Variants in SENP7 observed in about 807,000 individuals in gnomAD.
SENP7 encodes the protein SUMO specific peptidase 7.
Under a neutral mutation model 141.2 loss-of-function variants are expected in SENP7, and 64 were observed. The ratio of observed to expected loss-of-function variants is 0.45; its 90% CI spans 0.37 to 0.56. SENP7 has a LOEUF of 0.56. Among genes scored for constraint, SENP7 ranks in the 20% least tolerant of loss-of-function variants. The probability of loss-of-function intolerance (pLI) is 0.00; values close to 1 mark genes in which losing one functional copy is unlikely to be tolerated. For missense variants in SENP7, 1,025 were observed against 1,212.2 expected, an observed-to-expected ratio of 0.85 and a Z score of 2.29; for synonymous variants, 382 against 426.4, an observed-to-expected ratio of 0.90 and a Z score of 1.28.
intron 1 of SENP7, among the ~76,000 whole-genome samples, chr3:101,501,440 C>A (rs952525004): frequency 6.6e-6 from 1 of 151,990 alleles, no homozygotes; most frequent in African/African-American, 2.4e-5. Flanking sequence ...AGACCTCACA[C>A]CTAGTAGTAG....
At chr3:101,502,786 C>T (rs1442879726) in intron 1 of SENP7, among the ~76,000 whole-genome samples, 1 of 151,940 alleles carries the variant, frequency 6.6e-6, no homozygotes, top group Non-Finnish European at 1.5e-5. Context: ...CACGGTAGCA[C>T]ATGCCTGTAG....
intron 8 of SENP7, among the ~76,000 whole-genome samples, chr3:101,367,563 CTACT>C (rs1360579743): frequency 6.6e-6 from 1 of 151,968 alleles, no homozygotes; most frequent in Non-Finnish European, 1.5e-5. Flanking sequence ...GTACAACTAC[CTACT>C]AAGGAAAGAG....
chr3:101,337,052 G>C (rs139689839), intron 17 of SENP7: 1 of 152,388 alleles, frequency 6.6e-6, no homozygotes, highest in Non-Finnish European at 1.5e-5. Flanking sequence ...CGGGGACAGT[G>C]AGACAGCAAA....
In SENP7 at chr3:101,332,161, T is replaced by A. The variant is rs762704065; in HGVS notation, c.2574-52A>T. The A allele has an allele frequency of 9.1e-6, 14 of 1,545,692 alleles. No individual in the cohort carries two copies. In the South Asian group the frequency reaches 1.7e-4, roughly 18 times the overall value. ...TACCATGCAAAGTCTAAACAACATA[T>A]AATATATTCTAGAGATACATCTGAG... On this transcript the variant is annotated intron_variant, in intron 18 of 23. Transcript: ENST00000394095.
intron 11 of SENP7, among the ~76,000 whole-genome samples, chr3:101,360,385 T>C (rs1002284236): frequency 1.3e-5 from 2 of 152,218 alleles, no homozygotes; most frequent in African/African-American, 4.8e-5. Context: ...AGATATCCAT[T>C]GCCATATGCA....
intron 12 of SENP7, among the ~76,000 whole-genome samples, chr3:101,350,369 C>A (rs1293652203): frequency 6.6e-6 from 1 of 152,058 alleles, no homozygotes; most frequent in Non-Finnish European, 1.5e-5. Context: ...CCCAGCTGCA[C>A]AGAAAAAGTG....
intron 22 of SENP7, 31 bp from the exon 23 acceptor site, chr3:101,327,847 A>G: frequency 6.6e-7 from 1 of 1,514,656 alleles, no homozygotes; most frequent in Non-Finnish European, 9.1e-7. Context: ...GAGTGACTAA[A>G]GTAGAAATCT....
At chr3:101,403,020 C>T (rs1360121054) in intron 5 of SENP7, among the ~76,000 whole-genome samples, 1 of 152,088 alleles carries the variant, frequency 6.6e-6, no homozygotes, top group African/African-American at 2.4e-5. Context: ...GAAAATCTTC[C>T]GGAAAGGATT....
rs150375610 is a variant in SENP7 at position 101,406,008 on chromosome 3, C to T, written c.483-6953G>A. 6.6e-3 allele frequency among the ~76,000 whole-genome samples: 1,005 copies of T among 152,258 alleles called. 7 individuals carry two copies. Among genetic ancestry groups the T allele is most frequent in the African/African-American group, 0.021 (859 of 41,546 alleles). On this transcript the variant is annotated intron_variant, in intron 5 of 23. Coordinates refer to ENST00000394095, the MANE Select transcript of SENP7 (RefSeq NM_020654.5). ...GTGGGACTGTAAACTAGTTCAACCACTGTGGAAGAGAGTGTGGTGATTCCT... is the reference window on the plus strand; with the variant it reads ...GTGGGACTGTAAACTAGTTCAACCATTGTGGAAGAGAGTGTGGTGATTCCT...
intron 5 of SENP7, among the ~76,000 whole-genome samples, chr3:101,415,091 G>A (rs1311006543): frequency 3.3e-5 from 5 of 152,160 alleles, no homozygotes; most frequent in African/African-American, 1.2e-4. Flanking sequence ...CAAAATCCAT[G>A]AGGTCACTAA....
chr3:101,405,413 G>A (rs2061273099), intron 5 of SENP7, among the ~76,000 whole-genome samples: 1 of 152,176 alleles, frequency 6.6e-6, no homozygotes, highest in Non-Finnish European at 1.5e-5. Flanking sequence ...CACCCCATGG[G>A]ACAAAGGAAT....
At chr3:101,367,460 CTAA>C (rs2060066354) in intron 8 of SENP7, among the ~76,000 whole-genome samples, 1 of 151,424 alleles carries the variant, frequency 6.6e-6, no homozygotes, top group South Asian at 2.1e-4. Context: ...TAAAATAAAT[CTAA>C]TAATAATTTT....
intron 13 of SENP7, among the ~76,000 whole-genome samples, chr3:101,346,228 A>G (rs2059449848): frequency 1.3e-5 from 2 of 152,214 alleles, no homozygotes; most frequent in Admixed American, 6.5e-5. Flanking sequence ...TTACTCCCAC[A>G]AGAATGGTCA....
intron 20 of SENP7, among the ~76,000 whole-genome samples, chr3:101,329,132 TC>T (rs1698053452): frequency 6.6e-6 from 1 of 152,210 alleles, no homozygotes; most frequent in Non-Finnish European, 1.5e-5. Flanking sequence ...TTGTTTGTTT[TC>T]TTCATAAGTT....
chr3:101,482,309 T>C (rs1297741620), intron 3 of SENP7, among the ~76,000 whole-genome samples: 1 of 146,676 alleles, frequency 6.8e-6, no homozygotes, highest in African/African-American at 2.5e-5. Flanking sequence ...CGAGACTCTG[T>C]CTCAACAAAA....
At chr3:101,424,168 A>G (rs1302747514) in intron 4 of SENP7, among the ~76,000 whole-genome samples, 2 of 152,102 alleles carry the variant, frequency 1.3e-5, no homozygotes, top group African/African-American at 4.8e-5. Context: ...GTCTACTTGC[A>G]GGGCAGCATT....
At position 101,341,831 on chromosome 3, in the gene SENP7, A is replaced by C. The variant is rs113229830; in HGVS notation, c.2107-52T>G. ...TCTCAAACATCATAACTTTCAAAAG[A>C]ACAAAGTCAAAACGTAGACGTGTGA... On this transcript the variant is annotated intron_variant, in intron 14 of 23. Transcript: ENST00000394095. 4,269 of 1,514,064 alleles carry C rather than the reference A, an allele frequency of 2.8e-3. 91 individuals are homozygous for C. In the African/African-American group the frequency reaches 0.048, roughly 17 times the overall value. 93.8% of individuals were successfully genotyped at this position (1,514,064 alleles called of 1,614,324 possible). A position where few individuals can be genotyped will look rare whatever the true frequency, so the allele number is the denominator to read the frequency against.
chr3:101,511,394 T>C (rs2065850590), intron 1 of SENP7, among the ~76,000 whole-genome samples: 1 of 152,144 alleles, frequency 6.6e-6, no homozygotes. Flanking sequence ...TTAAAAAAGG[T>C]TGTGCATCTC....
intron 4 of SENP7, among the ~76,000 whole-genome samples, chr3:101,437,905 T>C (rs1419226582): frequency 6.6e-6 from 1 of 151,708 alleles, no homozygotes; most frequent in South Asian, 2.1e-4. Flanking sequence ...CCTCATACCA[T>C]TAGGATGGCT....
Sources: allele counts gnomAD v4.1 joint callset (sites outside exome capture counted in the v4.1 genomes callset), GRCh38; gene constraint gnomAD v4.1.1; transcripts MANE v1.5; gene names NCBI Gene and HGNC (gene_info 2026-07-23, HGNC 2026-07-21).